The following MGAT5 variants were observed in gnomAD, a reference collection of about 807,000 sequenced individuals.
MGAT5 encodes alpha-1,6-mannosylglycoprotein 6-beta-N-acetylglucosaminyltransferase A.
Under a neutral mutation model 94.3 loss-of-function variants are expected in MGAT5, and 30 were observed. The observed-to-expected ratio is 0.32, with a 90% CI of 0.24 to 0.43. The LOEUF (loss-of-function observed/expected upper bound fraction) is 0.43. Among genes scored for constraint, MGAT5 ranks in the 20% least tolerant of loss-of-function variants. MGAT5 has a pLI of 1.00. For synonymous variants in MGAT5, 310 were observed against 322.9 expected, an observed-to-expected ratio of 0.96 and a Z score of 0.43; for missense variants, 691 against 905.5, an observed-to-expected ratio of 0.76 and a Z score of 3.04.
chr2:134,323,926 A>G (rs778925830), intron 4 of MGAT5, among the ~76,000 whole-genome samples: 1 of 152,096 alleles, frequency 6.6e-6, no homozygotes, highest in Non-Finnish European at 1.5e-5. Context: ...AACTACTCCC[A>G]TTACAGAGAC....
chr2:134,189,602 G>GTTTTTTTTGTTTTTTTT (rs1553490383), intron 1 of MGAT5, among the ~76,000 whole-genome samples: 1 of 84,652 alleles, frequency 1.2e-5, no homozygotes, highest in Non-Finnish European at 2.3e-5. Context: ...GTTTTTTTTT[G>GTTTTTTTTGTTTTTTTT]TTTTTTTTTT....
chr2:134,193,201 C>T lies in MGAT5; in HGVS notation c.-142-61061C>T, dbSNP rs146575241. Among the ~76,000 whole-genome samples, 236 of 151,570 alleles carry T rather than the reference C, an allele frequency of 1.6e-3. 1 individual carries two copies. The highest frequency in any genetic ancestry group is 4.9e-3 in the African/African-American group (204 of 41,326). On this transcript the variant is annotated intron_variant, in intron 1 of 16. Transcript: ENST00000409645. ...ACAGTGATGCAGTCATGACTCACTG[C>T]AGCCTTGAATTCCCAGATTCAAGCA...
intron 4 of MGAT5, among the ~76,000 whole-genome samples, chr2:134,330,969 G>A (rs1687936175): frequency 6.6e-6 from 1 of 152,032 alleles, no homozygotes; most frequent in South Asian, 2.1e-4. Flanking sequence ...TATATACATT[G>A]GATTTATTAG....
intron 10 of MGAT5, among the ~76,000 whole-genome samples, chr2:134,387,406 T>A (rs1332876563): frequency 7.0e-6 from 1 of 142,274 alleles, no homozygotes; most frequent in African/African-American, 2.7e-5. Flanking sequence ...AGAACTGTGT[T>A]CCAATCCTGG....
intron 12 of MGAT5, among the ~76,000 whole-genome samples, chr2:134,415,574 T>A (rs192564381): frequency 6.6e-5 from 10 of 152,340 alleles, no homozygotes; most frequent in Admixed American, 2.6e-4. Context: ...ATAGGTTGCC[T>A]TTTCACTCTA....
chr2:134,163,582 G>C (rs1247409640), intron 1 of MGAT5, among the ~76,000 whole-genome samples: 2 of 152,304 alleles, frequency 1.3e-5, no homozygotes, highest in East Asian at 3.9e-4. Flanking sequence ...TGATTGAGTT[G>C]GATGCTCAGA....
chr2:134,288,895 C>T (rs1685177347), intron 2 of MGAT5, among the ~76,000 whole-genome samples: 1 of 152,186 alleles, frequency 6.6e-6, no homozygotes, highest in African/African-American at 2.4e-5. Context: ...GCTTCACTTG[C>T]TCAAACCTCT....
At chr2:134,354,272 GCA>G (rs1573898065) in intron 9 of MGAT5, among the ~76,000 whole-genome samples, 1 of 152,156 alleles carries the variant, frequency 6.6e-6, no homozygotes, top group Non-Finnish European at 1.5e-5. Context: ...CTGATGGAAT[GCA>G]CAGTTTGGAG....
intron 11 of MGAT5, among the ~76,000 whole-genome samples, chr2:134,404,700 G>A (rs1256880968): frequency 6.6e-6 from 1 of 152,176 alleles, no homozygotes; most frequent in African/African-American, 2.4e-5. Context: ...TTTGTATGAT[G>A]CCACAAATAA....
At chr2:134,270,677 A>G in intron 2 of MGAT5, 127 bp downstream of exon 2, 2 of 913,790 alleles carry the variant, frequency 2.2e-6, no homozygotes, top group Non-Finnish European at 3.1e-6. Context: ...TGGCATGGCC[A>G]TTGTAAAGAT....
intron 2 of MGAT5, among the ~76,000 whole-genome samples, 196 bp downstream of exon 2, chr2:134,270,746 A>T (rs143661941): frequency 2.0e-5 from 3 of 152,366 alleles, no homozygotes; most frequent in Non-Finnish European, 4.4e-5. Context: ...TTTTATCATG[A>T]TGCATAATAT....
At chr2:134,145,214 C>CTCTCTGTGTGTGTG (rs373377770) in intron 1 of MGAT5, among the ~76,000 whole-genome samples, 17,829 of 143,590 alleles carry the variant, frequency 0.12, 1,249 homozygotes, top group Non-Finnish European at 0.16. Context: ...GTCTCTCTCT[C>CTCTCTGTGTGTGTG]TGTGTGTGTG....
At chr2:134,329,876 C>A (rs2105947785) in intron 4 of MGAT5, among the ~76,000 whole-genome samples, 1 of 152,222 alleles carries the variant, frequency 6.6e-6, no homozygotes, top group Non-Finnish European at 1.5e-5. Flanking sequence ...GAAAGCTGAA[C>A]CACTTACCAC....
Position 134,326,577 on chromosome 2 carries a change from C to T in MGAT5, c.573+7838C>T, listed in dbSNP as rs140360513. On this transcript the variant is annotated intron_variant, in intron 4 of 15. Coordinates refer to ENST00000281923, the MANE Select transcript of MGAT5 (RefSeq NM_002410.5). The stretch of plus-strand genomic sequence containing the variant: ...TTCCTTAGAAATAATGCTTAGGGGC[C>T]ACAACCTGAGTGCCAAGAGCATTAA... 9.9e-5 allele frequency among the ~76,000 whole-genome samples: 15 copies of T among 152,158 alleles called. 2 individuals are homozygous for T. Among genetic ancestry groups the T allele is most frequent in the African/African-American group, 3.6e-4 (15 of 41,524 alleles).
chr2:134,249,336 C>T (rs1573611463), upstream of MGAT5, among the ~76,000 whole-genome samples: 1 of 151,442 alleles, frequency 6.6e-6, no homozygotes, highest in Admixed American at 6.6e-5. Flanking sequence ...ATGCTCCTAT[C>T]ACCACAATTT....
intron 1 of MGAT5, among the ~76,000 whole-genome samples, chr2:134,197,977 C>G (rs998361636): frequency 6.6e-6 from 1 of 152,152 alleles, no homozygotes; most frequent in Non-Finnish European, 1.5e-5. Context: ...GATAATTATA[C>G]TCTGTAGTGA....
intron 15 of MGAT5, among the ~76,000 whole-genome samples, chr2:134,447,777 C>T (rs1026326360): frequency 5.3e-5 from 8 of 152,230 alleles, no homozygotes; most frequent in East Asian, 1.9e-4. Flanking sequence ...GGCCCCCCTA[C>T]GCAGTGGTCC....
chr2:134,154,321 G>A (rs1019372682), intron 1 of MGAT5, among the ~76,000 whole-genome samples: 8 of 152,082 alleles, frequency 5.3e-5, no homozygotes, highest in Non-Finnish European at 1.2e-4. Context: ...GTTGCAATAC[G>A]AGAGGCTGCG....
At chr2:134,177,103 G>A (rs1688501546) in intron 1 of MGAT5, among the ~76,000 whole-genome samples, 1 of 124,408 alleles carries the variant, frequency 8.0e-6, no homozygotes, top group Non-Finnish European at 1.6e-5. Flanking sequence ...CATTTGAAAG[G>A]CACGTGTCCT....
Sources: allele counts gnomAD v4.1 joint callset (sites outside exome capture counted in the v4.1 genomes callset), GRCh38; gene constraint gnomAD v4.1.1; transcripts MANE v1.5; gene names NCBI Gene and HGNC (gene_info 2026-07-23, HGNC 2026-07-21).